CNTNAP2: variants seen among roughly 807,000 people sequenced by gnomAD.
CNTNAP2 encodes contactin-associated protein-like 2.
In CNTNAP2, 98 loss-of-function variants were observed where a neutral mutation model predicts 155.2. The observed-to-expected ratio is 0.63, with a 90% CI of 0.54 to 0.75. CNTNAP2 has a LOEUF of 0.75. CNTNAP2 is among the 30% of genes least tolerant of loss of function. The pLI is 0.00. For missense variants in CNTNAP2, 1,727 were observed against 1,688.1 expected (o/e 1.02, Z -0.40); for synonymous variants, 651 against 631.2 (o/e 1.03, Z -0.47).
At chr7:147,942,352 A>AT (rs1800740478) in intron 14 of CNTNAP2, among the ~76,000 whole-genome samples, 1 of 140,272 alleles carries the variant, frequency 7.1e-6, no homozygotes, top group Admixed American at 7.9e-5. Context: ...TCGTTGTAGA[A>AT]GTAAGCCTTT....
intron 22 of CNTNAP2, among the ~76,000 whole-genome samples, chr7:148,386,965 T>C (rs920894992): frequency 6.6e-6 from 1 of 152,196 alleles, no homozygotes; most frequent in African/African-American, 2.4e-5. Flanking sequence ...GAGTTTGTGA[T>C]AGTGCTTGTT....
chr7:146,586,497 C>T (rs574910131), intron 1 of CNTNAP2, among the ~76,000 whole-genome samples: 132 of 152,234 alleles, frequency 8.7e-4, no homozygotes, highest in Middle Eastern at 6.8e-3. Flanking sequence ...TTAGGCTTAA[C>T]ATAAAGCATC....
intron 8 of CNTNAP2, among the ~76,000 whole-genome samples, chr7:147,166,699 G>T (rs1392595672): frequency 1.3e-5 from 2 of 152,056 alleles, no homozygotes; most frequent in Non-Finnish European, 2.9e-5. Context: ...TATAGGATTT[G>T]GGTAGGTAAA....
At chr7:146,367,252 A>T (rs1387951879) in intron 1 of CNTNAP2, among the ~76,000 whole-genome samples, 2 of 152,178 alleles carry the variant, frequency 1.3e-5, no homozygotes, top group Non-Finnish European at 2.9e-5. Context: ...CCTCATAAAA[A>T]TACCATGGGG....
chr7:146,652,477 G>A (rs1799932626), intron 1 of CNTNAP2, among the ~76,000 whole-genome samples: 1 of 152,048 alleles, frequency 6.6e-6, no homozygotes, highest in African/African-American at 2.4e-5. Context: ...TTTTTGACAG[G>A]TATGATTAGT....
intron 13 of CNTNAP2, among the ~76,000 whole-genome samples, chr7:147,649,122 C>T (rs968927371): frequency 3.3e-5 from 5 of 152,042 alleles, no homozygotes; most frequent in Admixed American, 6.6e-5. Flanking sequence ...AAGGGTAGCT[C>T]GAGTTGTACT....
intron 11 of CNTNAP2, among the ~76,000 whole-genome samples, chr7:147,524,865 G>A (rs886266788): frequency 6.6e-6 from 1 of 152,202 alleles, no homozygotes; most frequent in African/African-American, 2.4e-5. Flanking sequence ...ACCAGTAGAA[G>A]CCTGAGTCAT....
At chr7:148,085,034 G>C (rs149871400) in intron 15 of CNTNAP2, among the ~76,000 whole-genome samples, 1,843 of 152,320 alleles carry the variant, frequency 0.012, 39 homozygotes, top group African/African-American at 0.041. Context: ...TGGGAAAGCT[G>C]TGTTGATGTT....
chr7:147,385,860 T>G (rs1796617688), intron 9 of CNTNAP2, among the ~76,000 whole-genome samples: 1 of 152,224 alleles, frequency 6.6e-6, no homozygotes, highest in Admixed American at 6.5e-5. Context: ...ACCCCACATT[T>G]CCCTTCTGCA....
At chr7:147,489,253 T>C (rs762137234) in intron 11 of CNTNAP2, among the ~76,000 whole-genome samples, 2 of 152,212 alleles carry the variant, frequency 1.3e-5, no homozygotes, top group African/African-American at 2.4e-5. Context: ...GACTGTCATT[T>C]GTGAACTGCT....
At chr7:146,801,585 T>C (rs1449871025) in intron 2 of CNTNAP2, among the ~76,000 whole-genome samples, 1 of 152,210 alleles carries the variant, frequency 6.6e-6, no homozygotes, top group East Asian at 1.9e-4. Context: ...ATATGCTTTT[T>C]AATTTGACTA....
At chr7:147,610,720 A>G (rs1801168059) in intron 12 of CNTNAP2, among the ~76,000 whole-genome samples, 1 of 151,956 alleles carries the variant, frequency 6.6e-6, no homozygotes, top group African/African-American at 2.4e-5. Context: ...CTAAAACAGG[A>G]GCATCTGGCA....
chr7:148,277,491 C>T (rs989084935), intron 21 of CNTNAP2, among the ~76,000 whole-genome samples: 4 of 152,008 alleles, frequency 2.6e-5, no homozygotes, highest in Non-Finnish European at 5.9e-5. Context: ...TCATGCTGCA[C>T]GAGAATGAGA....
At chr7:147,682,500 A>G (rs1795960881) in intron 13 of CNTNAP2, among the ~76,000 whole-genome samples, 4 of 151,950 alleles carry the variant, frequency 2.6e-5, no homozygotes, top group Admixed American at 2.6e-4. Context: ...ATAGTTATTA[A>G]TTACAAAATT....
chr7:148,369,064 A>G (rs751099210), intron 21 of CNTNAP2, among the ~76,000 whole-genome samples: 1 of 151,950 alleles, frequency 6.6e-6, no homozygotes, highest in Non-Finnish European at 1.5e-5. Flanking sequence ...TCTCACAAAC[A>G]TTAATAAGAC....
chr7:147,669,804 T>A (rs1795757719), intron 13 of CNTNAP2, among the ~76,000 whole-genome samples: 1 of 152,222 alleles, frequency 6.6e-6, no homozygotes, highest in Non-Finnish European at 1.5e-5. Context: ...AGCTATCATA[T>A]CATGACCATA....
At chr7:147,058,963 T>G (rs1359462905) in intron 4 of CNTNAP2, among the ~76,000 whole-genome samples, 1 of 152,192 alleles carries the variant, frequency 6.6e-6, no homozygotes, top group Non-Finnish European at 1.5e-5. Flanking sequence ...TGTGTGTTTT[T>G]TTGCACTTTT....
At chr7:148,098,904 G>A (rs1804031838) in intron 15 of CNTNAP2, among the ~76,000 whole-genome samples, 1 of 152,138 alleles carries the variant, frequency 6.6e-6, no homozygotes, top group Admixed American at 6.5e-5. Flanking sequence ...TGTTTCAGGT[G>A]CCAGGGAAGC....
intron 1 of CNTNAP2, among the ~76,000 whole-genome samples, chr7:146,671,461 A>T (rs931121862): frequency 1.3e-5 from 2 of 151,690 alleles, no homozygotes; most frequent in Non-Finnish European, 2.9e-5. Context: ...ACGGACACAC[A>T]TATACAAAAG....
Sources: gnomAD v4.1 joint callset for allele counts (sites outside exome capture counted in the v4.1 genomes callset) on GRCh38, gnomAD v4.1.1 for gene constraint, MANE v1.5 for transcripts, NCBI Gene and HGNC (gene_info 2026-07-23, HGNC 2026-07-21) for gene names.